Variants in ALDH9A1 observed in about 807,000 individuals in gnomAD.
ALDH9A1 encodes 4-trimethylaminobutyraldehyde dehydrogenase.
ALDH9A1 carries 42 observed loss-of-function variants against 56.6 expected under a neutral mutation model. The observed-to-expected ratio is 0.74, with a 90% CI of 0.58 to 0.96. ALDH9A1 has a LOEUF of 0.96. ALDH9A1 is among the 40% of genes least tolerant of loss of function. ALDH9A1 has a pLI of 0.00. For missense variants in ALDH9A1, 661 were observed against 651.5 expected, an observed-to-expected ratio of 1.01 and a Z score of -0.16; for synonymous variants, 242 against 236.0, an observed-to-expected ratio of 1.03 and a Z score of -0.23.
intron 10 of ALDH9A1, among the ~76,000 whole-genome samples, chr1:165,664,107 T>C (rs7518869): frequency 0.73 from 110,565 of 152,124 alleles, 40,628 homozygotes; most frequent in East Asian, 0.99. Context: ...TGCACTTGTG[T>C]CTGTGTGTAC....
intron 6 of ALDH9A1, chr1:165,671,793 G>A: frequency 4.1e-6 from 1 of 246,200 alleles, no homozygotes; most frequent in Admixed American, 5.4e-5. Flanking sequence ...AAAAAAGAAT[G>A]CAACATTTCC....
chr1:165,686,733 A>T lies in ALDH9A1; in HGVS notation c.328-3623T>A, dbSNP rs541724418. Among the ~76,000 whole-genome samples the T allele has an allele frequency of 5.9e-5, 9 of 152,232 alleles. No homozygotes were observed. In the South Asian group the frequency reaches 1.7e-3, roughly 28 times the overall value. On this transcript the variant is annotated intron_variant, in intron 2 of 10. Coordinates refer to ENST00000354775, the MANE Select transcript of ALDH9A1 (RefSeq NM_000696.4). The stretch of plus-strand genomic sequence containing the variant: ...GTGTCCCAGAACAAAGCTTAAGAAT[A>T]TTTTTTAAAGTACAAGACTATCCAG...
chr1:165,682,871 C>A, intron 3 of ALDH9A1, 110 bp downstream of exon 3: 1 of 1,301,898 alleles, frequency 7.7e-7, no homozygotes, highest in Non-Finnish European at 1.0e-6. Context: ...GTGACAAACC[C>A]AAGACTTTCA....
Position 165,695,337 on chromosome 1 carries a change from T to G in ALDH9A1, c.242A>C (p.Asn81Thr). The change falls in exon 2 of 11, where the codon AAT becomes ACT. Residue 81 changes from asparagine to threonine, a missense_variant. Transcript: ENST00000354775. ...GEKEVNLAVQNAKAAFKIWSQ... is the reference protein window; with the variant it reads ...GEKEVNLAVQTAKAAFKIWSQ... ...CCATATTTTAAAAGCAGCCTTTGCA[T>G]TTTGAACAGCCAAATTTACTTCCTT... 3.1e-6 allele frequency: 5 copies of G among 1,613,678 alleles called. No homozygotes were observed. The highest frequency in any genetic ancestry group is 4.2e-6 in the Non-Finnish European group (5 of 1,179,810).
chr1:165,670,576 G>C (rs1649144866), intron 6 of ALDH9A1, among the ~76,000 whole-genome samples: 1 of 151,894 alleles, frequency 6.6e-6, no homozygotes, highest in Non-Finnish European at 1.5e-5. Flanking sequence ...TTTATGCATG[G>C]CAAATACCTT....
At chr1:165,679,968 ACAC>A (rs1037276675) in intron 5 of ALDH9A1, among the ~76,000 whole-genome samples, 43 of 152,298 alleles carry the variant, frequency 2.8e-4, no homozygotes, top group African/African-American at 9.9e-4. Flanking sequence ...AGCTGTGACT[ACAC>A]CACTATAATC....
At chr1:165,668,783 G>A in intron 8 of ALDH9A1, 143 bp downstream of exon 8, 1 of 631,174 alleles carries the variant, frequency 1.6e-6, no homozygotes, top group South Asian at 2.1e-5. Flanking sequence ...TAATGGAGCA[G>A]TTCTACTTCT....
chr1:165,675,263 CTATATA>C (rs1040290419), intron 6 of ALDH9A1, among the ~76,000 whole-genome samples: 4 of 151,000 alleles, frequency 2.6e-5, no homozygotes, highest in African/African-American at 9.8e-5. Context: ...CTCTCTCTCT[CTATATA>C]TATATAAAGT....
At chr1:165,694,161 A>G (rs1456145028) in intron 2 of ALDH9A1, among the ~76,000 whole-genome samples, 1 of 151,262 alleles carries the variant, frequency 6.6e-6, no homozygotes, top group East Asian at 1.9e-4. Flanking sequence ...TTGTATACCT[A>G]TGTATCAAAC....
chr1:165,689,339 G>A (rs1420139497), intron 2 of ALDH9A1, among the ~76,000 whole-genome samples: 1 of 152,106 alleles, frequency 6.6e-6, no homozygotes, highest in Non-Finnish European at 1.5e-5. Flanking sequence ...AAAGAAATCT[G>A]GAGAAATTTA....
At chr1:165,663,171 G>T in intron 10 of ALDH9A1, 27 bp from the exon 11 acceptor site, 1 of 1,566,562 alleles carries the variant, frequency 6.4e-7, no homozygotes, top group Non-Finnish European at 8.8e-7. Context: ...GGGTCAGGTT[G>T]AGCCATCACT....
At chr1:165,674,684 TCA>T (rs1649292745) in intron 6 of ALDH9A1, among the ~76,000 whole-genome samples, 3 of 35,732 alleles carry the variant, frequency 8.4e-5, no homozygotes, top group Non-Finnish European at 1.6e-4. Context: ...AGACTCCGAA[TCA>T]AAAAAAAAAA....
At chr1:165,692,897 C>A (rs1318631676) in intron 2 of ALDH9A1, among the ~76,000 whole-genome samples, 1 of 152,062 alleles carries the variant, frequency 6.6e-6, no homozygotes, top group Non-Finnish European at 1.5e-5. Flanking sequence ...ACGGAGCCCT[C>A]AGAAATAATA....
At chr1:165,663,459 C>T (rs1648905330) in intron 10 of ALDH9A1, among the ~76,000 whole-genome samples, 1 of 152,202 alleles carries the variant, frequency 6.6e-6, no homozygotes, top group South Asian at 2.1e-4. Context: ...GTGTTAAAGG[C>T]AATCTCTACA....
chr1:165,665,161 T>C (rs1648969317), intron 9 of ALDH9A1, 31 bp from the exon 10 acceptor site: 5 of 1,575,296 alleles, frequency 3.2e-6, no homozygotes, highest in Non-Finnish European at 4.4e-6. Flanking sequence ...TGTGCATTAT[T>C]GAGAGTTTCT....
chr1:165,667,892 C>T (rs1229000923), intron 8 of ALDH9A1, among the ~76,000 whole-genome samples: 1 of 152,120 alleles, frequency 6.6e-6, no homozygotes, highest in Non-Finnish European at 1.5e-5. Context: ...CAACATGGTT[C>T]AACCTACATA....
intron 2 of ALDH9A1, among the ~76,000 whole-genome samples, chr1:165,693,215 G>A (rs1351022912): frequency 6.6e-6 from 1 of 152,152 alleles, no homozygotes; most frequent in East Asian, 1.9e-4. Flanking sequence ...ATAGACAAAT[G>A]GGATCTAAGT....
chr1:165,677,807 G>A (rs1313992828), intron 6 of ALDH9A1, among the ~76,000 whole-genome samples: 2 of 141,802 alleles, frequency 1.4e-5, no homozygotes, highest in African/African-American at 2.7e-5. Flanking sequence ...GCAGTGAGCC[G>A]AGATCGCACC....
intron 6 of ALDH9A1, among the ~76,000 whole-genome samples, chr1:165,669,690 CTTGT>C (rs566579037): frequency 2.3e-4 from 35 of 152,068 alleles, no homozygotes; most frequent in South Asian, 6.2e-4. Flanking sequence ...TCTTATTTTG[CTTGT>C]TTAAATTTTT....
Sources: allele counts gnomAD v4.1 joint callset (sites outside exome capture counted in the v4.1 genomes callset), GRCh38; gene constraint gnomAD v4.1.1; transcripts MANE v1.5; gene names NCBI Gene and HGNC (gene_info 2026-07-23, HGNC 2026-07-21).